The following DNAH11 variants were observed in gnomAD, a reference collection of about 807,000 sequenced individuals.
The protein encoded by DNAH11 is axonemal beta dynein heavy chain 11.
DNAH11 carries 442 observed loss-of-function variants against 526.0 expected under a neutral mutation model. The ratio of observed to expected loss-of-function variants is 0.84; its 90% CI spans 0.78 to 0.91. The LOEUF is 0.91. Ranked by LOEUF, DNAH11 falls within the 40% of genes least tolerant of loss-of-function variation. The probability of loss-of-function intolerance (pLI) is 0.00; values close to 1 mark genes in which losing one functional copy is unlikely to be tolerated. For synonymous variants in DNAH11, 2,461 were observed against 1,935.9 expected, an observed-to-expected ratio of 1.27 and a Z score of -7.12; for missense variants, 6,989 against 5,448.7, an observed-to-expected ratio of 1.28 and a Z score of -8.90.
chr7:21,874,496 C>A (rs890373405), intron 74 of DNAH11, among the ~76,000 whole-genome samples: 1 of 151,854 alleles, frequency 6.6e-6, no homozygotes, highest in Non-Finnish European at 1.5e-5. Context: ...CCACCAAGCC[C>A]AGCTAACTTT....
At chr7:21,553,472 A>G (rs7786802) in intron 2 of DNAH11, among the ~76,000 whole-genome samples, 4 of 152,176 alleles carry the variant, frequency 2.6e-5, no homozygotes, top group African/African-American at 9.7e-5. Flanking sequence ...GATCCACACC[A>G]GTATCAACCA....
At chr7:21,704,318 A>G in intron 37 of DNAH11, 116 bp from the exon 38 acceptor site, 1 of 1,022,036 alleles carries the variant, frequency 9.8e-7, no homozygotes, top group Non-Finnish European at 1.4e-6. Flanking sequence ...TTAATGGAGA[A>G]CAGTACCAAT....
chr7:21,743,136 G>A (rs558008548), intron 49 of DNAH11, among the ~76,000 whole-genome samples: 1 of 152,206 alleles, frequency 6.6e-6, no homozygotes, highest in African/African-American at 2.4e-5. Context: ...TGTAGGGGCC[G>A]TTCAGGCCAT....
chr7:21,762,515 A>G (rs1297546980), intron 54 of DNAH11, among the ~76,000 whole-genome samples: 4 of 152,228 alleles, frequency 2.6e-5, no homozygotes, highest in Non-Finnish European at 5.9e-5. Flanking sequence ...AAGGAGAAAT[A>G]TTCAAGTATA....
chr7:21,744,562 A>C lies in DNAH11; in HGVS notation c.8279A>C (p.Gln2760Pro). 1.2e-6 allele frequency: 2 copies of C among 1,613,618 alleles called. No homozygotes were observed. Among genetic ancestry groups the C allele is most frequent in the Non-Finnish European group, 1.7e-6 (2 of 1,179,810 alleles). ...GACAAAAAAGATTGTGATTTGTTTC[A>C]GAGAAGAATGCTGGAAACTGCTTAT... Reference protein sequence around the residue: ...LIDKKDCDLFQRRMLETAYKY... With the variant: ...LIDKKDCDLFPRRMLETAYKY... Residue 2760 changes from glutamine to proline, a missense_variant, in exon 50 of 82, where the codon CAG becomes CCG. Physicochemically the swap from Gln to Pro is moderately conservative, Grantham distance 76. Transcript: ENST00000409508.
At chr7:21,872,182 C>G (rs534566241) in intron 73 of DNAH11, among the ~76,000 whole-genome samples, 1 of 135,626 alleles carries the variant, frequency 7.4e-6, no homozygotes, top group African/African-American at 2.6e-5. Context: ...CTTCAATTAT[C>G]TCCTTAAAGA....
At position 21,597,333 on chromosome 7, in the gene DNAH11, T is replaced by C. The variant is rs138273397; in HGVS notation, c.2668-2454T>C. The stretch of plus-strand genomic sequence containing the variant: ...GGAGGTCAAGAGGGCTGGTTTCTAG[T>C]CCTAGCTCAGCTATTAACTTCCTAC... On this transcript the variant is annotated intron_variant, in intron 14 of 81. Coordinates refer to ENST00000409508, the MANE Select transcript of DNAH11 (RefSeq NM_001277115.2). Among the ~76,000 whole-genome samples, 405 of 152,304 alleles carry C rather than the reference T, an allele frequency of 2.7e-3. 1 individual carries two copies. The highest frequency in any genetic ancestry group is 9.0e-3 in the African/African-American group (374 of 41,562).
Position 21,741,967 on chromosome 7 carries a change from A to T in DNAH11, c.7955A>T (p.Asp2652Val). 1 of 1,613,868 alleles carries T rather than the reference A, an allele frequency of 6.2e-7. No homozygotes were observed. Among genetic ancestry groups the T allele is most frequent in the Non-Finnish European group, 8.5e-7 (1 of 1,179,846 alleles). ...TTTGCATTCAATTTTCCATCTTTGG[A>T]TGCACTAAACACCATCTATGGCCAA... ...TVFAFNFPSL[D>V]ALNTIYGQIF... Residue 2652 changes from aspartate to valine, a missense_variant, in exon 49 of 82, where the codon GAT (aspartate) becomes GTT (valine). Coordinates refer to ENST00000409508, the MANE Select transcript of DNAH11 (RefSeq NM_001277115.2).
intron 12 of DNAH11, among the ~76,000 whole-genome samples, chr7:21,590,061 T>C (rs551162793): frequency 6.6e-4 from 101 of 152,300 alleles, no homozygotes; most frequent in African/African-American, 2.4e-3. Flanking sequence ...CTTTTGTTAA[T>C]GCATGGTAAG....
At chr7:21,840,608 C>T (rs775880153) in intron 65 of DNAH11, among the ~76,000 whole-genome samples, 20 of 152,040 alleles carry the variant, frequency 1.3e-4, no homozygotes, top group Non-Finnish European at 2.4e-4. Flanking sequence ...AATTAGAAAG[C>T]TCCCCCTTTA....
chr7:21,681,139 T>C (rs895176267), intron 30 of DNAH11, among the ~76,000 whole-genome samples: 1 of 152,076 alleles, frequency 6.6e-6, no homozygotes, highest in South Asian at 2.1e-4. Flanking sequence ...TTTGAAATTG[T>C]TTTGTGGCCA....
At chr7:21,691,815 T>G (rs1460062835) in intron 35 of DNAH11, among the ~76,000 whole-genome samples, 1 of 152,232 alleles carries the variant, frequency 6.6e-6, no homozygotes. Context: ...TTCACTGTTG[T>G]CTGTTATGTA....
intron 36 of DNAH11, among the ~76,000 whole-genome samples, chr7:21,701,474 G>A (rs913672909): frequency 2.0e-5 from 3 of 151,986 alleles, no homozygotes; most frequent in Non-Finnish European, 4.4e-5. Flanking sequence ...ATTTTTTGCA[G>A]GAGTGGGGTT....
intron 74 of DNAH11, among the ~76,000 whole-genome samples, 175 bp from the exon 75 acceptor site, chr7:21,880,527 T>C (rs1783877129): frequency 6.6e-6 from 1 of 152,250 alleles, no homozygotes; most frequent in Non-Finnish European, 1.5e-5. Flanking sequence ...GCCAACAGAC[T>C]GGCAAATGCC....
At chr7:21,623,461 C>T (rs1277467988) in intron 25 of DNAH11, among the ~76,000 whole-genome samples, 1 of 152,212 alleles carries the variant, frequency 6.6e-6, no homozygotes, top group Non-Finnish European at 1.5e-5. Flanking sequence ...CATCCCATTA[C>T]TGGGTATATA....
intron 14 of DNAH11, 84 bp downstream of exon 14, chr7:21,591,661 G>A (rs1784694202): frequency 6.3e-5 from 84 of 1,335,882 alleles, no homozygotes; most frequent in Non-Finnish European, 8.1e-5. Flanking sequence ...AATAATGTGG[G>A]ACTCTTTTAT....
At chr7:21,637,129 T>C (rs1335676894) in intron 26 of DNAH11, among the ~76,000 whole-genome samples, 1 of 152,168 alleles carries the variant, frequency 6.6e-6, no homozygotes, top group African/African-American at 2.4e-5. Context: ...ATCTCTCTCA[T>C]TTTTATATGT....
chr7:21,753,457 T>G (rs1786498725), intron 54 of DNAH11, among the ~76,000 whole-genome samples: 1 of 152,232 alleles, frequency 6.6e-6, no homozygotes, highest in African/African-American at 2.4e-5. Flanking sequence ...CCAGTGCCTA[T>G]GTGCTTTCAT....
chr7:21,683,918 A>C lies in DNAH11; in HGVS notation c.5595A>C (p.Arg1865=), dbSNP rs1484693970. The C allele has an allele frequency of 6.2e-7, 1 of 1,613,538 alleles. No individual in the cohort carries two copies. Among genetic ancestry groups the C allele is most frequent in the Non-Finnish European group, 8.5e-7 (1 of 1,179,680 alleles). The change falls in exon 32 of 82, where the codon CGA becomes CGC. Residue 1865 remains arginine (R), a synonymous_variant. Transcript: ENST00000409508. The part of the protein sequence containing the change: ...YFYEYLGNSP[R]LVITPLTDRC... ...ATGAATACTTAGGAAACAGCCCTCG[A>C]CTAGTGATCACTCCTCTAACTGACA...
Sources: allele counts gnomAD v4.1 joint callset (sites outside exome capture counted in the v4.1 genomes callset), GRCh38; gene constraint gnomAD v4.1.1; transcripts MANE v1.5; gene names NCBI Gene and HGNC (gene_info 2026-07-23, HGNC 2026-07-21).